The following FAM168A variants were observed in gnomAD, a reference collection of about 807,000 sequenced individuals.
The protein encoded by FAM168A is protein FAM168A.
Under a neutral mutation model 28.5 loss-of-function variants are expected in FAM168A, and 3 were observed. The observed-to-expected ratio is 0.11, with a 90% confidence interval of 0.05 to 0.27. The LOEUF is 0.27. Among genes scored for constraint, FAM168A ranks in the 10% least tolerant of loss-of-function variants. The pLI, the probability that FAM168A is intolerant of heterozygous loss-of-function variation, is 1.00. For synonymous variants in FAM168A, 122 were observed against 124.2 expected (o/e 0.98, Z 0.12); for missense variants, 222 against 311.5 (o/e 0.71, Z 2.16).
At chr11:73,575,441 A>G (rs1030468131) in intron 1 of FAM168A, among the ~76,000 whole-genome samples, 9 of 152,236 alleles carry the variant, frequency 5.9e-5, no homozygotes, top group African/African-American at 2.2e-4. Flanking sequence ...TGTAATTGAA[A>G]GCCTAGGATA....
intron 1 of FAM168A, among the ~76,000 whole-genome samples, chr11:73,543,206 A>C (rs1943679263): frequency 6.6e-6 from 1 of 151,956 alleles, no homozygotes; most frequent in Non-Finnish European, 1.5e-5. Context: ...CCCCGGAGCT[A>C]AGATCATATT....
intron 2 of FAM168A, among the ~76,000 whole-genome samples, chr11:73,441,456 A>G (rs2134529803): frequency 6.6e-6 from 1 of 152,306 alleles, no homozygotes; most frequent in South Asian, 2.1e-4. Context: ...TTTGTATTCA[A>G]ATGGGTTATT....
chr11:73,584,287 C>G (rs1565308655), intron 1 of FAM168A, among the ~76,000 whole-genome samples: 1 of 152,014 alleles, frequency 6.6e-6, no homozygotes, highest in Non-Finnish European at 1.5e-5. Context: ...ATCCTCCCAC[C>G]TCAGCCTCCC....
At chr11:73,533,509 A>C (rs977196800) in intron 1 of FAM168A, among the ~76,000 whole-genome samples, 17 of 152,144 alleles carry the variant, frequency 1.1e-4, no homozygotes, top group Non-Finnish European at 2.1e-4. Flanking sequence ...AAAGTGACCA[A>C]GTAAGAAAGG....
At chr11:73,434,410 T>C (rs1867053152) in intron 2 of FAM168A, among the ~76,000 whole-genome samples, 1 of 152,184 alleles carries the variant, frequency 6.6e-6, no homozygotes, top group Non-Finnish European at 1.5e-5. Flanking sequence ...ATATTAAACA[T>C]GATAATCAAA....
At chr11:73,415,676 T>C (rs1278141848) in intron 4 of FAM168A, among the ~76,000 whole-genome samples, 1 of 152,244 alleles carries the variant, frequency 6.6e-6, no homozygotes. Context: ...CCTGGAGCTA[T>C]AGCCTGAGCT....
intron 2 of FAM168A, among the ~76,000 whole-genome samples, chr11:73,445,419 C>CTCTTTTTTTTT (rs776745757): frequency 4.2e-4 from 21 of 50,460 alleles, no homozygotes; most frequent in African/African-American, 1.5e-3. Context: ...AAAAATGTCT[C>CTCTTTTTTTTT]TTTTTTTTTT....
rs916420495 is a variant in FAM168A, at chr11:73,496,762, G to T, written c.-18-28270C>A. 2.0e-5 allele frequency among the ~76,000 whole-genome samples: 3 copies of T among 151,838 alleles called. No homozygotes were observed. In the South Asian group the frequency reaches 6.2e-4, roughly 31 times the overall value. On this transcript the variant is annotated intron_variant, in intron 1 of 7. Coordinates refer to ENST00000356467, the MANE Select transcript of FAM168A (RefSeq NM_015159.3). ...TTTTTAGTAGAGACGGGGTTTCACCGTGTTAGCCAGGATGGTCTTGATCTC... is the reference window on the plus strand; with the variant it reads ...TTTTTAGTAGAGACGGGGTTTCACCTTGTTAGCCAGGATGGTCTTGATCTC...
chr11:73,577,659 G>A (rs1245419083), intron 1 of FAM168A, among the ~76,000 whole-genome samples: 1 of 152,138 alleles, frequency 6.6e-6, no homozygotes, highest in African/African-American at 2.4e-5. Flanking sequence ...TGAGAAAACT[G>A]AGGCTCAGAA....
intron 1 of FAM168A, among the ~76,000 whole-genome samples, chr11:73,500,456 C>T (rs1854986515): frequency 1.3e-5 from 2 of 151,966 alleles, no homozygotes. Flanking sequence ...GACAGGGTTT[C>T]ACCATGTTAT....
chr11:73,427,519 C>T (rs1866909193), intron 3 of FAM168A, among the ~76,000 whole-genome samples: 1 of 152,062 alleles, frequency 6.6e-6, no homozygotes, highest in Non-Finnish European at 1.5e-5. Context: ...CACAATGTAG[C>T]AGTTAAGAGC....
intron 1 of FAM168A, among the ~76,000 whole-genome samples, chr11:73,487,437 C>T (rs1433896632): frequency 6.6e-6 from 1 of 152,180 alleles, no homozygotes; most frequent in Non-Finnish European, 1.5e-5. Flanking sequence ...TTCTGAATCT[C>T]ACATCATCAG....
At chr11:73,470,665 G>A (rs780104308) in intron 1 of FAM168A, among the ~76,000 whole-genome samples, 1 of 152,104 alleles carries the variant, frequency 6.6e-6, no homozygotes, top group East Asian at 1.9e-4. Flanking sequence ...CAGCAAGAAG[G>A]CCCTTGACAG....
chr11:73,421,744 A>G (rs1374508222), intron 3 of FAM168A, among the ~76,000 whole-genome samples: 1 of 152,238 alleles, frequency 6.6e-6, no homozygotes, highest in African/African-American at 2.4e-5. Flanking sequence ...ACAACTCTCT[A>G]AAAAGTAAAA....
intron 1 of FAM168A, among the ~76,000 whole-genome samples, chr11:73,511,487 T>A (rs1331115209): frequency 6.6e-6 from 1 of 151,766 alleles, no homozygotes; most frequent in Admixed American, 6.6e-5. Context: ...TCTGCCCACC[T>A]TGGCTTCCCA....
chr11:73,453,977 G>A (rs180783937), intron 2 of FAM168A, among the ~76,000 whole-genome samples: 11 of 152,314 alleles, frequency 7.2e-5, no homozygotes, highest in Admixed American at 7.2e-4. Flanking sequence ...GGTAGCTATG[G>A]CTATACCTGA....
chr11:73,541,197 T>C (rs1943652271), intron 1 of FAM168A, among the ~76,000 whole-genome samples: 1 of 151,788 alleles, frequency 6.6e-6, no homozygotes, highest in South Asian at 2.1e-4. Context: ...AGAGTGAGAT[T>C]CCATCTCAAA....
chr11:73,560,670 G>A (rs1331125438), intron 1 of FAM168A, among the ~76,000 whole-genome samples: 1 of 152,192 alleles, frequency 6.6e-6, no homozygotes, highest in Admixed American at 6.5e-5. Context: ...AATACTAAAT[G>A]CCGACAAGTA....
chr11:73,466,001 T>G (rs148733400), intron 2 of FAM168A, among the ~76,000 whole-genome samples: 1 of 151,904 alleles, frequency 6.6e-6, no homozygotes, highest in East Asian at 1.9e-4. Flanking sequence ...ACACTGTCAA[T>G]TGGCTAGAAG....
Sources: allele counts gnomAD v4.1 joint callset (sites outside exome capture counted in the v4.1 genomes callset), GRCh38; gene constraint gnomAD v4.1.1; transcripts MANE v1.5; gene names NCBI Gene and HGNC (gene_info 2026-07-23, HGNC 2026-07-21).